Variants in PIK3R3 observed in about 807,000 individuals in gnomAD.
PIK3R3 encodes the protein phosphatidylinositol 3-kinase regulatory subunit gamma.
Under a neutral mutation model 62.9 loss-of-function variants are expected in PIK3R3, and 64 were observed. The ratio of observed to expected loss-of-function variants is 1.02; its 90% CI spans 0.83 to 1.25. The LOEUF (loss-of-function observed/expected upper bound fraction) is 1.25, where lower values mean the gene tolerates loss of function less well. PIK3R3 is among the 50% of genes most tolerant of loss of function. PIK3R3 has a pLI of 0.00. For synonymous variants in PIK3R3, 165 were observed against 189.0 expected, an observed-to-expected ratio of 0.87 and a Z score of 1.04; for missense variants, 614 against 561.6, an observed-to-expected ratio of 1.09 and a Z score of -0.94.
intron 3 of PIK3R3, among the ~76,000 whole-genome samples, chr1:46,074,307 A>C (rs1286802056): frequency 8.9e-5 from 13 of 146,216 alleles, no homozygotes; most frequent in East Asian, 4.1e-4. Context: ...AAAAAAAAAA[A>C]AAAAAAAAAA....
intron 1 of PIK3R3, among the ~76,000 whole-genome samples, chr1:46,131,079 C>A (rs1655541847): frequency 7.0e-6 from 1 of 143,850 alleles, no homozygotes; most frequent in Non-Finnish European, 1.6e-5. Flanking sequence ...CACACGTTCA[C>A]AGGAAACAGA....
chr1:46,078,013 A>G (rs1472925127), intron 2 of PIK3R3, among the ~76,000 whole-genome samples: 1 of 152,206 alleles, frequency 6.6e-6, no homozygotes, highest in Non-Finnish European at 1.5e-5. Flanking sequence ...AGAAGGGGGA[A>G]AATTCACTAA....
At chr1:46,135,752 C>T (rs1288273785), upstream of PIK3R3, among the ~76,000 whole-genome samples, 3 of 151,628 alleles carry the variant, frequency 2.0e-5, no homozygotes, top group Non-Finnish European at 4.4e-5. Context: ...CAAAATGGGG[C>T]CGGGCACGGT....
intron 1 of PIK3R3, among the ~76,000 whole-genome samples, chr1:46,129,521 A>G (rs78802247): frequency 1.0e-3 from 156 of 152,198 alleles, no homozygotes; most frequent in African/African-American, 3.6e-3. Flanking sequence ...TCATCAGATG[A>G]TACTCTTAAC....
In PIK3R3 at chr1:46,043,535, T is replaced by G; in HGVS notation, c.*138A>C. ...TGCCCCCATCCCGGCCGGCTGCTGCTCGGCCTCTCCACTTCACATTCACAA... is the reference window on the plus strand; with the variant it reads ...TGCCCCCATCCCGGCCGGCTGCTGCGCGGCCTCTCCACTTCACATTCACAA... On this transcript the variant is annotated 3_prime_UTR_variant, in exon 10 of 10. Transcript: ENST00000262741. 1.3e-6 allele frequency: 1 copy of G among 750,186 alleles called. No individual in the cohort carries two copies. The highest frequency in any genetic ancestry group is 2.2e-6 in the Non-Finnish European group (1 of 457,932). 46.5% of individuals were successfully genotyped at this position (750,186 alleles called of 1,614,324 possible). A position where few individuals can be genotyped will look rare whatever the true frequency, so the allele number is the denominator to read the frequency against.
intron 3 of PIK3R3, among the ~76,000 whole-genome samples, 187 bp from the exon 4 acceptor site, chr1:46,067,278 A>ATATATAT (rs1557574769): frequency 1.4e-4 from 21 of 145,846 alleles, no homozygotes; most frequent in South Asian, 2.2e-4. Flanking sequence ...ATATATATAT[A>ATATATAT]ATTCATTTTG....
At chr1:46,120,239 TTA>T (rs1483949924) in intron 1 of PIK3R3, among the ~76,000 whole-genome samples, 6 of 152,228 alleles carry the variant, frequency 3.9e-5, no homozygotes, top group Non-Finnish European at 8.8e-5. Flanking sequence ...AAGGTCTGTC[TTA>T]TATTAACTCA....
At chr1:46,108,358 C>T (rs1247367526) in intron 1 of PIK3R3, among the ~76,000 whole-genome samples, 2 of 152,180 alleles carry the variant, frequency 1.3e-5, no homozygotes, top group African/African-American at 4.8e-5. Context: ...AATCTCTGAA[C>T]GAGGAGGATC....
chr1:46,094,017 C>A, intron 1 of PIK3R3, among the ~76,000 whole-genome samples: 1 of 150,558 alleles, frequency 6.6e-6, no homozygotes, highest in Non-Finnish European at 1.5e-5. Context: ...TACAGTGAGC[C>A]AAGATTGCAC....
chr1:46,092,520 C>T (rs767326117), intron 1 of PIK3R3, among the ~76,000 whole-genome samples: 8 of 152,120 alleles, frequency 5.3e-5, no homozygotes, highest in Non-Finnish European at 1.2e-4. Context: ...CGTGCCACCA[C>T]GCCCGGCTAA....
rs1472923914 is a variant in PIK3R3, at chr1:46,043,814, A to G, written c.1245T>C (p.Phe415=). ...AGCTGTACAGGTTGTAGGGCTCTGC[A>G]AAGCCATAGCCCCGAGCAGTGCTGT... is the stretch of plus-strand genomic sequence containing the variant. ...VIYSTARGYG[F]AEPYNLYSSL... is the part of the protein sequence containing the mutation. Residue 415 remains phenylalanine (F), a synonymous_variant, in exon 10 of 10, where the codon TTT becomes TTC. Coordinates refer to ENST00000262741, the MANE Select transcript of PIK3R3 (RefSeq NM_003629.4). The G allele has an allele frequency of 6.2e-7, 1 of 1,614,148 alleles. No homozygotes were observed. The highest frequency in any genetic ancestry group is 8.5e-7 in the Non-Finnish European group (1 of 1,179,976).
In PIK3R3 at chr1:46,080,632, T is replaced by C; in HGVS notation, c.215+10A>G. 6.6e-7 allele frequency: 1 copy of C among 1,525,922 alleles called. No homozygotes were observed. The highest frequency in any genetic ancestry group is 1.4e-5 in the African/African-American group (1 of 73,052). 94.5% of individuals were successfully genotyped at this position (1,525,922 alleles called of 1,614,324 possible). ...AAAACTGCATTCAATTACAGTAGCA[T>C]TCTAGTTACCTTGAAATATCCCCCC... On this transcript the variant is annotated intron_variant, in intron 2 of 9. Coordinates refer to ENST00000262741, the MANE Select transcript of PIK3R3 (RefSeq NM_003629.4).
the PIK3R3 span, among the ~76,000 whole-genome samples, chr1:46,150,803 CTT>C: frequency 0.03 from 3,339 of 112,744 alleles, 105 homozygotes; most frequent in African/African-American, 0.11. Context: ...GGTAAACACT[CTT>C]TTTTTTTTTT....
chr1:46,050,918 C>T (rs553592099), intron 7 of PIK3R3, among the ~76,000 whole-genome samples: 1 of 152,080 alleles, frequency 6.6e-6, no homozygotes, highest in Non-Finnish European at 1.5e-5. Context: ...TTTGAAAACA[C>T]CATGCTAAGT....
chr1:46,120,515 A>G (rs1046643862), intron 1 of PIK3R3, among the ~76,000 whole-genome samples: 4 of 152,118 alleles, frequency 2.6e-5, no homozygotes, highest in Non-Finnish European at 4.4e-5. Flanking sequence ...GGAGGTTGCA[A>G]TGAGCTGAGA....
At chr1:46,122,805 G>T (rs1354582814) in intron 1 of PIK3R3, among the ~76,000 whole-genome samples, 1 of 151,978 alleles carries the variant, frequency 6.6e-6, no homozygotes, top group Non-Finnish European at 1.5e-5. Context: ...ATCTTCATAA[G>T]TTTAGAGGTC....
chr1:46,079,103 G>A (rs964499211), intron 2 of PIK3R3, among the ~76,000 whole-genome samples: 1 of 80,312 alleles, frequency 1.2e-5, no homozygotes, highest in Middle Eastern at 5.4e-3. Flanking sequence ...AATCGTAAGG[G>A]TAAAAAAAAA....
intron 1 of PIK3R3, 36 bp from the exon 2 acceptor site, chr1:46,080,786 A>G (rs1350973874): frequency 2.9e-6 from 4 of 1,384,420 alleles, no homozygotes; most frequent in Non-Finnish European, 4.1e-6. Flanking sequence ...GTAGATGTAA[A>G]TTATTTACTG....
rs536739859 is a variant in PIK3R3, at chr1:46,102,276, C to G, written c.107-21526G>C. Among the ~76,000 whole-genome samples the G allele has an allele frequency of 6.8e-4, 103 of 152,218 alleles. 1 individual carries two copies. Among genetic ancestry groups the G allele is most frequent in the African/African-American group, 2.3e-3 (97 of 41,562 alleles). On this transcript the variant is annotated intron_variant, in intron 1 of 9. Coordinates refer to ENST00000262741, the MANE Select transcript of PIK3R3 (RefSeq NM_003629.4). ...CTGGGATTACAGGCGTGAGCCACAGCGCCCGGCCTGAATTGTATACTTAAA... is the reference window on the plus strand; with the variant it reads ...CTGGGATTACAGGCGTGAGCCACAGGGCCCGGCCTGAATTGTATACTTAAA...
Sources: allele counts gnomAD v4.1 joint callset (sites outside exome capture counted in the v4.1 genomes callset), GRCh38; gene constraint gnomAD v4.1.1; transcripts MANE v1.5; gene names NCBI Gene and HGNC (gene_info 2026-07-23, HGNC 2026-07-21).